C2CD2: variants seen among roughly 807,000 people sequenced by gnomAD.
C2CD2 encodes C2 calcium dependent domain containing 2, also known as C2 domain-containing protein 2.
In C2CD2, 43 loss-of-function variants were observed where a neutral mutation model predicts 74.3. The observed-to-expected ratio is 0.58, with a 90% CI of 0.45 to 0.75. The LOEUF is 0.75. Among genes scored for constraint, C2CD2 ranks in the 30% least tolerant of loss-of-function variants. The pLI is 0.00. For missense variants in C2CD2, 801 were observed against 916.3 expected (o/e 0.87, Z 1.63); for synonymous variants, 422 against 390.7 (o/e 1.08, Z -0.94).
intron 3 of C2CD2, among the ~76,000 whole-genome samples, chr21:41,919,634 C>G (rs1478332900): frequency 6.6e-6 from 1 of 152,224 alleles, no homozygotes; most frequent in African/African-American, 2.4e-5. Context: ...GGCTCCCCTG[C>G]CCCACACTCA....
At chr21:41,891,555 A>G (rs575203020) in intron 13 of C2CD2, among the ~76,000 whole-genome samples, 41 of 152,164 alleles carry the variant, frequency 2.7e-4, no homozygotes, top group Non-Finnish European at 5.3e-4. Context: ...GGGGGCTCTG[A>G]GCTGACCAGG....
chr21:41,942,887 A>C (rs539996898), intron 1 of C2CD2: 2 of 830,840 alleles, frequency 2.4e-6, no homozygotes, highest in Admixed American at 6.2e-5. Flanking sequence ...CCCCTACTTC[A>C]CAGCCCTCTG....
At chr21:41,938,375 C>T (rs933143779) in intron 2 of C2CD2, among the ~76,000 whole-genome samples, 2 of 152,094 alleles carry the variant, frequency 1.3e-5, no homozygotes, top group Non-Finnish European at 2.9e-5. Flanking sequence ...TATACCCTTC[C>T]ATATTTTTAA....
Position 41,926,361 on chromosome 21 carries a change from TA to T in C2CD2, c.379-4277del. ...TTTCGGAGTGGGGGGCTATTCACGGTAAGTCAGGGTCTCCACATGGAAAGGC... is the reference window on the plus strand; with the variant it reads ...TTTCGGAGTGGGGGGCTATTCACGGTAGTCAGGGTCTCCACATGGAAAGGC... On this transcript the variant is annotated intron_variant, in intron 2 of 13. Transcript: ENST00000380486. This position sits in a 1 kb window ranked among gnomAD's most constrained non-coding sequence, Gnocchi z 8.0. The T allele has an allele frequency of 1.1e-6, 1 of 886,688 alleles. No homozygotes were observed. The highest frequency in any genetic ancestry group is 5.2e-5 in the South Asian group (1 of 19,406). 54.9% of individuals were successfully genotyped at this position (886,688 alleles called of 1,614,324 possible).
intron 1 of C2CD2, among the ~76,000 whole-genome samples, chr21:41,948,439 C>T (rs2065420529): frequency 1.3e-5 from 2 of 152,270 alleles, no homozygotes; most frequent in South Asian, 4.1e-4. Context: ...GGATCAGGGA[C>T]CTCTGAGCTG....
At chr21:41,950,652 G>T (rs536016969) in intron 1 of C2CD2, among the ~76,000 whole-genome samples, 1 of 152,238 alleles carries the variant, frequency 6.6e-6, no homozygotes, top group East Asian at 1.9e-4. Flanking sequence ...ATCCCACCAG[G>T]GAACAGGCTG....
At chr21:41,898,570 C>A (rs558359019) in intron 13 of C2CD2, among the ~76,000 whole-genome samples, 1 of 152,358 alleles carries the variant, frequency 6.6e-6, no homozygotes, top group Admixed American at 6.5e-5. Context: ...TCATTATTCC[C>A]AGGAGCTTTT....
intron 3 of C2CD2, 58 bp downstream of exon 3, chr21:41,921,914 T>TTCTGAGAAC: frequency 9.5e-7 from 1 of 1,051,444 alleles, no homozygotes; most frequent in Non-Finnish European, 1.5e-6. Flanking sequence ...ATGCTCACTC[T>TTCTGAGAAC]TCACATTTCT....
chr21:41,914,081 C>T (rs914146544), intron 6 of C2CD2, among the ~76,000 whole-genome samples: 2 of 152,016 alleles, frequency 1.3e-5, no homozygotes, highest in Non-Finnish European at 2.9e-5. Context: ...TACAAAATAG[C>T]CAGGCGTGGT....
intron 13 of C2CD2, among the ~76,000 whole-genome samples, chr21:41,889,994 C>T (rs1359146118): frequency 2.6e-5 from 4 of 152,106 alleles, no homozygotes; most frequent in South Asian, 2.1e-4. Flanking sequence ...GCTATTGCCT[C>T]GGTTGGGATA....
intron 2 of C2CD2, among the ~76,000 whole-genome samples, chr21:41,940,272 T>C (rs113320703): frequency 0.012 from 1,847 of 152,232 alleles, 19 homozygotes; most frequent in Middle Eastern, 0.02. Context: ...GAATTATAGT[T>C]GAAGCAAAAT....
intron 5 of C2CD2, among the ~76,000 whole-genome samples, chr21:41,917,168 C>A (rs921910009): frequency 2.0e-5 from 3 of 152,176 alleles, no homozygotes; most frequent in Non-Finnish European, 4.4e-5. Context: ...ACTCTTGTGA[C>A]CCCCATAGCC....
chr21:41,907,618 C>A (rs1305454261), intron 9 of C2CD2, 42 bp downstream of exon 9: 2 of 1,594,884 alleles, frequency 1.3e-6, no homozygotes, highest in Admixed American at 3.6e-5. Flanking sequence ...TGGGTAAGTG[C>A]CCCAAGCCGG....
intron 13 of C2CD2, chr21:41,894,837 A>C (rs1329725847): frequency 4.4e-6 from 2 of 456,752 alleles, no homozygotes; most frequent in South Asian, 3.1e-5. Context: ...TTGCCAGTGC[A>C]CACTAAATAG....
chr21:41,900,283 A>AT (rs2064878896), intron 12 of C2CD2, among the ~76,000 whole-genome samples: 1 of 151,994 alleles, frequency 6.6e-6, no homozygotes, highest in Non-Finnish European at 1.5e-5. Context: ...CAAAAAAATA[A>AT]AATAAAATAA....
At position 41,924,106 on chromosome 21, in the gene C2CD2, G is replaced by A. The variant is rs1210181767; in HGVS notation, c.379-2021C>T. ...AGAGAAAATTCTTTAATTCTCTGGTGGATTTATCAGAATCTAAAATACCAA... is the reference window on the plus strand; with the variant it reads ...AGAGAAAATTCTTTAATTCTCTGGTAGATTTATCAGAATCTAAAATACCAA... On this transcript the variant is annotated intron_variant, in intron 2 of 13. Coordinates refer to ENST00000380486, the MANE Select transcript of C2CD2 (RefSeq NM_015500.2). The surrounding 1 kb of genome is among the most constrained non-coding windows in gnomAD (Gnocchi z 4.4). Among the ~76,000 whole-genome samples the A allele has an allele frequency of 6.6e-6, 1 of 152,210 alleles. No individual in the cohort carries two copies. Among genetic ancestry groups the A allele is most frequent in the Non-Finnish European group, 1.5e-5 (1 of 68,032 alleles).
At chr21:41,947,357 A>C (rs1285699760) in intron 1 of C2CD2, among the ~76,000 whole-genome samples, 1 of 151,848 alleles carries the variant, frequency 6.6e-6, no homozygotes, top group Non-Finnish European at 1.5e-5. Flanking sequence ...GGGTTTCTCC[A>C]TGTTGGTCAG....
intron 4 of C2CD2, 145 bp from the exon 5 acceptor site, chr21:41,918,372 T>C (rs1166269112): frequency 4.2e-6 from 4 of 954,506 alleles, no homozygotes; most frequent in East Asian, 2.7e-5. Context: ...GCAAAAACTG[T>C]GGAAAGAAAG....
chr21:41,928,745 A>G (rs985638636), intron 2 of C2CD2, among the ~76,000 whole-genome samples: 3 of 151,950 alleles, frequency 2.0e-5, no homozygotes, highest in Non-Finnish European at 4.4e-5. Flanking sequence ...GGTAGAACAC[A>G]CGTGCACACA....
Sources: allele counts gnomAD v4.1 joint callset (sites outside exome capture counted in the v4.1 genomes callset), GRCh38; gene constraint gnomAD v4.1.1; non-coding constraint Gnocchi (gnomAD v3.1); transcripts MANE v1.5; gene names NCBI Gene and HGNC (gene_info 2026-07-23, HGNC 2026-07-21).